Variants in SGCD observed in about 807,000 individuals in gnomAD.
SGCD encodes the protein sarcoglycan delta, also known as delta-sarcoglycan.
Under a neutral mutation model 36.6 loss-of-function variants are expected in SGCD, and 18 were observed. That is an observed-to-expected ratio of 0.49 (90% CI 0.34 to 0.73). SGCD has a LOEUF of 0.73. SGCD is among the 30% of genes least tolerant of loss of function. The pLI is 0.01. For synonymous variants in SGCD, 133 were observed against 130.6 expected (o/e 1.02, Z -0.12); for missense variants, 387 against 346.7 (o/e 1.12, Z -0.92).
intron 2 of SGCD, among the ~76,000 whole-genome samples, chr5:156,342,451 G>T (rs1037804729): frequency 6.6e-6 from 1 of 152,132 alleles, no homozygotes; most frequent in Non-Finnish European, 1.5e-5. Context: ...AATATCAAAG[G>T]AAATTGCACA....
At chr5:155,861,331 C>T in the SGCD span, among the ~76,000 whole-genome samples, 5 of 152,118 alleles carry the variant, frequency 3.3e-5, no homozygotes, top group Non-Finnish European at 5.9e-5. Context: ...ATGTCTTCAT[C>T]TTATTTAACT....
chr5:156,133,804 G>C (rs975414872), intron 3 of SGCD, among the ~76,000 whole-genome samples: 1 of 151,842 alleles, frequency 6.6e-6, no homozygotes, highest in South Asian at 2.1e-4. Flanking sequence ...TTTGCAGTCT[G>C]TTTGTTTACT....
At chr5:156,077,869 G>A (rs563881683) in intron 1 of SGCD, among the ~76,000 whole-genome samples, 40 of 152,266 alleles carry the variant, frequency 2.6e-4, no homozygotes, top group Admixed American at 1.6e-3. Context: ...AGGGAGAAGC[G>A]TTGAGTTCTA....
intron 6 of SGCD, among the ~76,000 whole-genome samples, chr5:156,626,983 G>T (rs1013368618): frequency 9.2e-5 from 14 of 152,162 alleles, no homozygotes; most frequent in African/African-American, 3.1e-4. Context: ...ATAGTTTGAT[G>T]TATTTCTTTA....
intron 1 of SGCD, among the ~76,000 whole-genome samples, chr5:155,895,273 A>C (rs1756224718): frequency 6.6e-6 from 1 of 152,212 alleles, no homozygotes. Flanking sequence ...TTCTGGTGAA[A>C]GTTTTGAGAT....
At chr5:156,253,458 G>T (rs10075212) in intron 3 of SGCD, among the ~76,000 whole-genome samples, 120,183 of 152,072 alleles carry the variant, frequency 0.79, 47,905 homozygotes, top group East Asian at 0.92. Flanking sequence ...CTTGAGTTGG[G>T]ATAAGAATTC....
At chr5:156,757,479 C>A in intron 7 of SGCD, 102 bp from the exon 8 acceptor site, 1 of 750,048 alleles carries the variant, frequency 1.3e-6, no homozygotes, top group Non-Finnish European at 2.1e-6. Flanking sequence ...ATTCTCTGAT[C>A]AAATACTGGA....
intron 3 of SGCD, among the ~76,000 whole-genome samples, chr5:156,403,446 G>T (rs1580935906): frequency 1.3e-5 from 2 of 152,172 alleles, no homozygotes; most frequent in Admixed American, 1.3e-4. Flanking sequence ...GCCCCAGGCA[G>T]GTAATTTAAC....
chr5:156,188,114 C>G (rs1463399800), intron 3 of SGCD, among the ~76,000 whole-genome samples: 1 of 152,116 alleles, frequency 6.6e-6, no homozygotes, highest in Non-Finnish European at 1.5e-5. Flanking sequence ...CCTTATTAGC[C>G]TTGCCCTGGT....
chr5:155,927,526 G>A (rs1485369972), intron 1 of SGCD, among the ~76,000 whole-genome samples: 1 of 152,172 alleles, frequency 6.6e-6, no homozygotes, highest in Admixed American at 6.5e-5. Context: ...ATTCACTCTA[G>A]ATTGCATGCT....
intron 4 of SGCD, among the ~76,000 whole-genome samples, chr5:156,544,383 T>C (rs747256994): frequency 1.3e-4 from 20 of 152,174 alleles, no homozygotes; most frequent in Admixed American, 4.6e-4. Flanking sequence ...GATTGTGAAA[T>C]TTGAAAACGG....
chr5:155,891,148 T>C (rs745637859), intron 1 of SGCD, among the ~76,000 whole-genome samples: 1 of 152,202 alleles, frequency 6.6e-6, no homozygotes, highest in Non-Finnish European at 1.5e-5. Context: ...CAAACCCCTA[T>C]TGCTGATGTA....
intron 3 of SGCD, among the ~76,000 whole-genome samples, chr5:156,505,352 T>C (rs1756651151): frequency 6.6e-6 from 1 of 152,240 alleles, no homozygotes; most frequent in Admixed American, 6.5e-5. Flanking sequence ...CTGCAGGATC[T>C]GTTCTGATCC....
chr5:156,304,153 G>A (rs1581231132), intron 3 of SGCD, among the ~76,000 whole-genome samples: 1 of 152,124 alleles, frequency 6.6e-6, no homozygotes, highest in African/African-American at 2.4e-5. Context: ...GCTGAGATGG[G>A]TAACTTCCCT....
chr5:156,229,511 G>T (rs960759683), intron 3 of SGCD, among the ~76,000 whole-genome samples: 9 of 151,634 alleles, frequency 5.9e-5, no homozygotes, highest in African/African-American at 2.2e-4. Flanking sequence ...CTTCCATCTT[G>T]TAGGGTTTCT....
chr5:156,440,357 C>G (rs1387059653), intron 3 of SGCD, among the ~76,000 whole-genome samples: 3 of 152,014 alleles, frequency 2.0e-5, no homozygotes, highest in African/African-American at 7.2e-5. Context: ...TTTGTTTATC[C>G]ATTTATCAGT....
intron 7 of SGCD, among the ~76,000 whole-genome samples, chr5:156,751,000 CCTTATGAAA>C (rs1342630495): frequency 3.3e-5 from 5 of 152,148 alleles, no homozygotes; most frequent in Non-Finnish European, 7.4e-5. Context: ...AAAAGAATTT[CCTTATGAAA>C]CTTAAGTTCA....
At chr5:155,934,800 G>A (rs937611169) in intron 1 of SGCD, among the ~76,000 whole-genome samples, 2 of 152,164 alleles carry the variant, frequency 1.3e-5, no homozygotes, top group African/African-American at 4.8e-5. Context: ...AGAATGGGGG[G>A]CCATCTGACC....
chr5:155,839,297 T>C, the SGCD span, among the ~76,000 whole-genome samples: 1 of 152,202 alleles, frequency 6.6e-6, no homozygotes. Context: ...GAGCTAGACT[T>C]AGATTGTAGA....
Sources: allele counts gnomAD v4.1 joint callset (sites outside exome capture counted in the v4.1 genomes callset), GRCh38; gene constraint gnomAD v4.1.1; transcripts MANE v1.5; gene names NCBI Gene and HGNC (gene_info 2026-07-23, HGNC 2026-07-21).